Variants in GBF1 observed in about 807,000 individuals in gnomAD.
GBF1 encodes the protein golgi brefeldin A resistant guanine nucleotide exchange factor 1, also known as Golgi-specific brefeldin A-resistance guanine nucleotide exchange factor 1.
In GBF1, 114 loss-of-function variants were observed where a neutral mutation model predicts 210.5. That is an observed-to-expected ratio of 0.54 (90% CI 0.47 to 0.63). The LOEUF (loss-of-function observed/expected upper bound fraction) is 0.63, where lower values mean the gene tolerates loss of function less well. Ranked by LOEUF, GBF1 falls within the 30% of genes least tolerant of loss-of-function variation. The pLI is 0.00. For missense variants in GBF1, 1,851 were observed against 2,357.7 expected (o/e 0.79, Z 4.45); for synonymous variants, 850 against 889.2 (o/e 0.96, Z 0.78).
intron 3 of GBF1, among the ~76,000 whole-genome samples, chr10:102,316,396 A>G (rs1017581003): frequency 3.5e-4 from 53 of 151,932 alleles, no homozygotes; most frequent in African/African-American, 1.2e-3. Flanking sequence ...CCTTCCCTCT[A>G]CTTTTTGACC....
chr10:102,263,198 G>A (rs535566013), intron 3 of GBF1, among the ~76,000 whole-genome samples: 2 of 152,138 alleles, frequency 1.3e-5, no homozygotes, highest in African/African-American at 4.8e-5. Flanking sequence ...CTAATTTCTT[G>A]TTTCTTTTAC....
intron 3 of GBF1, among the ~76,000 whole-genome samples, chr10:102,296,437 A>C (rs1192419124): frequency 6.6e-6 from 1 of 152,186 alleles, no homozygotes; most frequent in Non-Finnish European, 1.5e-5. Context: ...GGATAGTTAT[A>C]TTTCTTTGAA....
At chr10:102,313,632 T>A (rs992483800) in intron 3 of GBF1, among the ~76,000 whole-genome samples, 2 of 152,236 alleles carry the variant, frequency 1.3e-5, no homozygotes, top group Non-Finnish European at 2.9e-5. Flanking sequence ...TGTTGGAGAA[T>A]GAACTGGCTT....
chr10:102,358,788 C>T (rs1394171794), intron 10 of GBF1, 59 bp downstream of exon 10: 1 of 1,082,776 alleles, frequency 9.2e-7, no homozygotes, highest in Admixed American at 2.0e-5. Flanking sequence ...ATGGCTTGAT[C>T]CTTTGGATCC....
intron 3 of GBF1, among the ~76,000 whole-genome samples, chr10:102,340,157 G>A (rs1023873927): frequency 6.6e-5 from 10 of 150,738 alleles, no homozygotes; most frequent in African/African-American, 2.4e-4. Context: ...GTTTCACCAT[G>A]TTTGCCAGGC....
intron 3 of GBF1, among the ~76,000 whole-genome samples, chr10:102,267,275 C>T (rs909293841): frequency 3.3e-5 from 5 of 152,104 alleles, no homozygotes; most frequent in Non-Finnish European, 7.4e-5. Context: ...GAGGCTAAGG[C>T]GGGTGGATGA....
At chr10:102,256,022 C>T (rs767589013) in intron 1 of GBF1, among the ~76,000 whole-genome samples, 7 of 152,072 alleles carry the variant, frequency 4.6e-5, no homozygotes, top group South Asian at 2.1e-4. Context: ...CGCGGTTCAC[C>T]GCAGCCTCAA....
chr10:102,232,100 C>G, the GBF1 span: 1 of 1,476,920 alleles, frequency 6.8e-7, no homozygotes, highest in Non-Finnish European at 9.3e-7. Context: ...GCTCTGGAGG[C>G]GAGAGAAGAC....
chr10:102,333,960 G>A (rs1023410718), intron 3 of GBF1, among the ~76,000 whole-genome samples: 3 of 152,116 alleles, frequency 2.0e-5, no homozygotes, highest in Admixed American at 6.5e-5. Flanking sequence ...AGCTTTTGTC[G>A]TCTGTCTCTG....
intron 3 of GBF1, among the ~76,000 whole-genome samples, chr10:102,278,701 T>C (rs1156653418): frequency 1.3e-5 from 2 of 152,216 alleles, no homozygotes; most frequent in Non-Finnish European, 2.9e-5. Flanking sequence ...GTCTCCCTAA[T>C]TTATTTATTT....
intron 3 of GBF1, among the ~76,000 whole-genome samples, chr10:102,291,141 TTTC>T (rs1430943242): frequency 1.0e-4 from 14 of 137,616 alleles, no homozygotes; most frequent in African/African-American, 4.5e-4. Context: ...TCTCTTTTTT[TTTC>T]TTTCTATTAC....
At chr10:102,239,865 G>A in the GBF1 span, among the ~76,000 whole-genome samples, 1 of 152,308 alleles carries the variant, frequency 6.6e-6, no homozygotes, top group Non-Finnish European at 1.5e-5. Flanking sequence ...CAGCTGCAGG[G>A]AAAGTAAACC....
Position 102,366,938 on chromosome 10 carries a change from A to G in GBF1, c.2434-147A>G. On this transcript the variant is annotated intron_variant, in intron 19 of 39. Coordinates refer to ENST00000369983, the MANE Select transcript of GBF1 (RefSeq NM_001377137.1). The surrounding 1 kb of genome is among the most constrained non-coding windows in gnomAD (Gnocchi z 4.0). ...AAATTAGTGACCTTTCCACAAAGAG[A>G]TCAGCTTCTGTTAAGGAGTTGGCAA... The G allele has an allele frequency of 1.2e-6, 1 of 819,422 alleles. No individual in the cohort carries two copies. The highest frequency in any genetic ancestry group is 2.0e-6 in the Non-Finnish European group (1 of 510,370). The allele number at this position is 819,422 out of a possible 1,614,324, so 50.8% of individuals were successfully genotyped here.
intron 2 of GBF1, 100 bp from the exon 3 acceptor site, chr10:102,259,950 T>G: frequency 1.5e-6 from 1 of 674,476 alleles, no homozygotes. Context: ...CTTAAATGAT[T>G]TTCTGATTGG....
chr10:102,375,861 G>T (rs996267594), intron 30 of GBF1, among the ~76,000 whole-genome samples: 26 of 151,986 alleles, frequency 1.7e-4, no homozygotes, highest in Admixed American at 1.2e-3. Context: ...TTTCTGAGCT[G>T]TCCCGAGGAC....
intron 3 of GBF1, among the ~76,000 whole-genome samples, chr10:102,336,410 A>G (rs2057748477): frequency 6.6e-6 from 1 of 151,966 alleles, no homozygotes; most frequent in Non-Finnish European, 1.5e-5. Context: ...TATCTTAGTT[A>G]TCTTTATTAT....
Position 102,379,937 on chromosome 10 carries a change from T to TC in GBF1, c.4863dup (p.Thr1622HisfsTer5). Reference sequence around the variant, plus strand: ...GATGGAGGAGACCCGGATGAGGGCTTCCACATTGCTCTCTAAGGTACTGCT... The same window carrying TC: ...GATGGAGGAGACCCGGATGAGGGCTTCCCACATTGCTCTCTAAGGTACTGCT... On this transcript the variant is annotated frameshift_variant, in exon 36 of 40. Coordinates refer to ENST00000369983, the MANE Select transcript of GBF1 (RefSeq NM_001377137.1). LOFTEE classifies it high-confidence loss of function. 1 of 1,607,246 alleles carries TC rather than the reference T, an allele frequency of 6.2e-7. No individual in the cohort carries two copies. The highest frequency in any genetic ancestry group is 8.5e-7 in the Non-Finnish European group (1 of 1,174,176).
chr10:102,361,841 C>G lies in GBF1; in HGVS notation c.1615C>G (p.Leu539Val), dbSNP rs1210534635. The G allele has an allele frequency of 6.2e-7, 1 of 1,613,706 alleles. No individual in the cohort carries two copies. ...GCGCATCCCCAGCTTTGTCACAGAG[C>G]TCTACATCAACTATGATTGTGACTA... ...LWRIPSFVTE[L>V]YINYDCDYYC... Residue 539 changes from leucine to valine, a missense_variant, in exon 14 of 40, where the codon CTC (leucine) becomes GTC (valine). Around this residue, in one of 3 missense-constraint regions of GBF1, gnomAD observed 804 missense variants for 958.6 expected, o/e 0.84. Coordinates refer to ENST00000369983, the MANE Select transcript of GBF1 (RefSeq NM_001377137.1).
intron 28 of GBF1, 25 bp downstream of exon 28, chr10:102,370,503 A>T (rs761349067): frequency 6.4e-7 from 1 of 1,557,198 alleles, no homozygotes; most frequent in South Asian, 1.1e-5. Context: ...GTCTTTAGGC[A>T]GACCCCATGC....
Sources: allele counts gnomAD v4.1 joint callset (sites outside exome capture counted in the v4.1 genomes callset), GRCh38; gene constraint gnomAD v4.1.1; regional missense constraint gnomAD v4.1.1; non-coding constraint Gnocchi (gnomAD v3.1); transcripts MANE v1.5; gene names NCBI Gene and HGNC (gene_info 2026-07-23, HGNC 2026-07-21).